The following TAF4B variants were observed in gnomAD, a reference collection of about 807,000 sequenced individuals.
TAF4B encodes TATA-box binding protein associated factor 4b.
In TAF4B, 38 loss-of-function variants were observed where a neutral mutation model predicts 86.4. That is an observed-to-expected ratio of 0.44 (90% CI 0.34 to 0.58). TAF4B has a LOEUF of 0.58. Ranked by LOEUF, TAF4B falls within the 20% of genes least tolerant of loss-of-function variation. The pLI, the probability that TAF4B is intolerant of heterozygous loss-of-function variation, is 0.02. For missense variants in TAF4B, 988 were observed against 1,027.6 expected, an observed-to-expected ratio of 0.96 and a Z score of 0.53; for synonymous variants, 388 against 391.2, an observed-to-expected ratio of 0.99 and a Z score of 0.10.
intron 1 of TAF4B, among the ~76,000 whole-genome samples, chr18:26,242,117 T>C (rs1389749340): frequency 1.2e-4 from 19 of 152,208 alleles, no homozygotes; most frequent in Admixed American, 1.2e-3. Context: ...GGTGCAGAGC[T>C]GAGTTCAAGT....
intron 14 of TAF4B, among the ~76,000 whole-genome samples, chr18:26,363,283 A>G (rs868195169): frequency 2.7e-4 from 40 of 149,502 alleles, no homozygotes; most frequent in Admixed American, 2.4e-3. Flanking sequence ...TTTCAAAATG[A>G]GAGACAGGCT....
chr18:26,287,258 A>C (rs2056535714), intron 7 of TAF4B, among the ~76,000 whole-genome samples: 1 of 151,690 alleles, frequency 6.6e-6, no homozygotes, highest in Non-Finnish European at 1.5e-5. Context: ...CTCGACTTAG[A>C]CCTCCCAAAA....
chr18:26,252,760 T>A (rs181234425), intron 1 of TAF4B, among the ~76,000 whole-genome samples: 88 of 151,778 alleles, frequency 5.8e-4, no homozygotes, highest in African/African-American at 2.0e-3. Flanking sequence ...GTGGTGATGC[T>A]GGTGGCATAT....
rs564357932 is a variant in TAF4B, at chr18:26,227,492, T to C, written c.343+216T>C. Reference sequence around the variant, plus strand: ...TCACCTAAGTGATACAGTAAAAAGCTACATCAGCGTATTCGGGGGGGCTTT... The same window carrying C: ...TCACCTAAGTGATACAGTAAAAAGCCACATCAGCGTATTCGGGGGGGCTTT... On this transcript the variant is annotated intron_variant, in intron 1 of 14. Transcript: ENST00000269142. Among the ~76,000 whole-genome samples, 9 of 152,370 alleles carry C rather than the reference T, an allele frequency of 5.9e-5. No individual in the cohort carries two copies. The South Asian group carries it at 1.0e-3, about 18-fold the overall frequency.
At chr18:26,229,518 T>C (rs2055631423) in intron 1 of TAF4B, among the ~76,000 whole-genome samples, 1 of 147,336 alleles carries the variant, frequency 6.8e-6, no homozygotes, top group Non-Finnish European at 1.5e-5. Flanking sequence ...TTTTTCTTTC[T>C]CTGAGACGGA....
intron 14 of TAF4B, among the ~76,000 whole-genome samples, chr18:26,364,916 T>G (rs1012293280): frequency 1.3e-5 from 2 of 151,744 alleles, no homozygotes; most frequent in Non-Finnish European, 2.9e-5. Flanking sequence ...TAGAATTTGC[T>G]AACCAAAATA....
chr18:26,329,002 C>A (rs1232099289), intron 12 of TAF4B, among the ~76,000 whole-genome samples: 4 of 151,924 alleles, frequency 2.6e-5, no homozygotes, highest in Non-Finnish European at 5.9e-5. Context: ...TCCCCACTTC[C>A]TCTCTTCCTC....
In TAF4B at chr18:26,357,696, C is replaced by G; in HGVS notation, c.2323C>G (p.Gln775Glu). 6.2e-7 allele frequency: 1 copy of G among 1,605,902 alleles called. No homozygotes were observed. Among genetic ancestry groups the G allele is most frequent in the Admixed American group, 1.7e-5 (1 of 59,386 alleles). ...RLKQKAKELQ[Q>E]LELAQIQHRD... Reference sequence around the variant, plus strand: ...TTTTTCTTCCGTCTTCTAGTTACAGCAATTGGAACTTGCACAGATACAGCA... The same window carrying G: ...TTTTTCTTCCGTCTTCTAGTTACAGGAATTGGAACTTGCACAGATACAGCA... Residue 775 changes from glutamine (Q) to glutamate (E), a missense_variant, in exon 14 of 15, where the codon CAA becomes GAA. Physicochemically the swap from Gln to Glu is conservative, Grantham distance 29. This residue lies in a region of TAF4B where 216 missense variants were observed against 238.4 expected (regional missense o/e 0.91). Transcript: ENST00000269142.
At chr18:26,245,602 G>T (rs2055911628) in intron 1 of TAF4B, among the ~76,000 whole-genome samples, 1 of 152,046 alleles carries the variant, frequency 6.6e-6, no homozygotes, top group African/African-American at 2.4e-5. Flanking sequence ...GCACTGATTG[G>T]TGCATTTTAC....
intron 1 of TAF4B, among the ~76,000 whole-genome samples, chr18:26,253,317 C>G (rs1406325911): frequency 6.6e-6 from 1 of 152,062 alleles, no homozygotes; most frequent in Non-Finnish European, 1.5e-5. Flanking sequence ...AATGCTTGTT[C>G]CGCATCTGTT....
chr18:26,233,972 A>G (rs931132086), intron 1 of TAF4B, among the ~76,000 whole-genome samples: 3 of 152,190 alleles, frequency 2.0e-5, no homozygotes, highest in East Asian at 1.9e-4. Context: ...AAATAGGGAT[A>G]TGGCCATTTG....
At chr18:26,326,567 T>A (rs2057006693) in intron 11 of TAF4B, among the ~76,000 whole-genome samples, 1 of 152,210 alleles carries the variant, frequency 6.6e-6, no homozygotes, top group Non-Finnish European at 1.5e-5. Context: ...TTTGGTATAT[T>A]TTTTAGTGAG....
intron 9 of TAF4B, chr18:26,295,176 A>C (rs1166844761): frequency 2.6e-6 from 1 of 390,506 alleles, no homozygotes; most frequent in Non-Finnish European, 5.1e-6. Context: ...TCATCCCCCC[A>C]TGTACATTTT....
At chr18:26,366,910 G>C (rs974252235) in intron 14 of TAF4B, among the ~76,000 whole-genome samples, 1 of 152,114 alleles carries the variant, frequency 6.6e-6, no homozygotes, top group African/African-American at 2.4e-5. Context: ...ATCTTCATTA[G>C]TCCTCACAAT....
chr18:26,327,795 A>G lies in TAF4B; in HGVS notation c.2259+655A>G, dbSNP rs147593954. On this transcript the variant is annotated intron_variant, in intron 12 of 14. Transcript: ENST00000269142. ...GAGACAGGGTTCCACCATGTTGGCC[A>G]GGTTGGTCTTGGAACTCCGACCTTG... is the stretch of plus-strand genomic sequence containing the variant. Among the ~76,000 whole-genome samples the G allele has an allele frequency of 3.6e-3, 543 of 152,306 alleles. 1 individual carries two copies. The highest frequency in any genetic ancestry group is 5.9e-3 in the Non-Finnish European group (399 of 68,030).
chr18:26,335,462 T>C (rs2057083344), intron 13 of TAF4B, among the ~76,000 whole-genome samples: 1 of 152,208 alleles, frequency 6.6e-6, no homozygotes, highest in Admixed American at 6.5e-5. Context: ...AATGGGTCTT[T>C]GTAAACTACA....
intron 13 of TAF4B, among the ~76,000 whole-genome samples, chr18:26,345,996 A>G (rs1029387992): frequency 6.6e-6 from 1 of 152,110 alleles, no homozygotes; most frequent in Non-Finnish European, 1.5e-5. Flanking sequence ...ACAAGATTTT[A>G]TTTACTCTGT....
chr18:26,284,229 T>C lies in TAF4B; in HGVS notation c.973-1653T>C, dbSNP rs528242745. Among the ~76,000 whole-genome samples, 3 of 152,340 alleles carry C rather than the reference T, an allele frequency of 2.0e-5. No homozygotes were observed. In the East Asian group the frequency reaches 5.8e-4, roughly 29 times the overall value. The stretch of plus-strand genomic sequence containing the variant: ...TTTTCTTCTGCAGCTTCCTCACTTT[T>C]CAGCCTTCATAGAATTGAAGAGTTA... On this transcript the variant is annotated intron_variant, in intron 6 of 14. Coordinates refer to ENST00000269142, the MANE Select transcript of TAF4B (RefSeq NM_005640.3).
chr18:26,265,320 T>C lies in TAF4B; in HGVS notation c.489+5T>C. The C allele has an allele frequency of 6.3e-7, 1 of 1,589,842 alleles. No homozygotes were observed. The highest frequency in any genetic ancestry group is 8.5e-7 in the Non-Finnish European group (1 of 1,172,280). ...GTCAAAATCTGTACAGTGCCGGTAA[T>C]ATACCTTAAATATTTTTCATCTTTC... On this transcript the variant is annotated splice_donor_5th_base_variant and intron_variant, in intron 2 of 14. Coordinates refer to ENST00000269142, the MANE Select transcript of TAF4B (RefSeq NM_005640.3).
Sources: gnomAD v4.1 joint callset for allele counts (sites outside exome capture counted in the v4.1 genomes callset) on GRCh38, gnomAD v4.1.1 for gene constraint, gnomAD v4.1.1 regional missense constraint, MANE v1.5 for transcripts, NCBI Gene and HGNC (gene_info 2026-07-23, HGNC 2026-07-21) for gene names.